The following TUT7 variants were observed in gnomAD, a reference collection of about 807,000 sequenced individuals.
TUT7 encodes the protein terminal uridylyl transferase 7, also known as terminal uridylyltransferase 7.
In TUT7, 33 loss-of-function variants were observed where a neutral mutation model predicts 165.9. The observed-to-expected ratio is 0.20, with a 90% CI of 0.15 to 0.27. The LOEUF is 0.27. TUT7 is among the 10% of genes least tolerant of loss of function. The pLI is 1.00. For synonymous variants in TUT7, 552 were observed against 608.1 expected, an observed-to-expected ratio of 0.91 and a Z score of 1.36; for missense variants, 1,338 against 1,762.3, an observed-to-expected ratio of 0.76 and a Z score of 4.31.
chr9:86,291,179 C>T (rs1017575230), intron 26 of TUT7, among the ~76,000 whole-genome samples: 57 of 152,018 alleles, frequency 3.7e-4, no homozygotes, highest in African/African-American at 1.4e-3. Flanking sequence ...AATAAAAGAG[C>T]GGTATTCAGA....
At chr9:86,349,529 A>G (rs1220091938) in intron 2 of TUT7, among the ~76,000 whole-genome samples, 1 of 152,070 alleles carries the variant, frequency 6.6e-6, no homozygotes, top group Non-Finnish European at 1.5e-5. Flanking sequence ...AGGGGCAGTA[A>G]TGTAGAGCTG....
intron 14 of TUT7, among the ~76,000 whole-genome samples, chr9:86,321,441 C>A (rs979557470): frequency 6.6e-6 from 1 of 151,824 alleles, no homozygotes; most frequent in African/African-American, 2.4e-5. Flanking sequence ...TAAAAAGAAA[C>A]CTGCTGGCCA....
At position 86,352,784 on chromosome 9, in the gene TUT7, C is replaced by A; in HGVS notation, c.416G>T (p.Gly139Val). Residue 139 changes from glycine (G) to valine (V), a missense_variant, in exon 2 of 27, where the codon GGT becomes GTT. Transcript: ENST00000375963. Reference sequence around the variant, plus strand: ...GCCTCTTGTGTCTTGCCACCTATAACCATCTTCATTTTCTTGAAAGGAGTC... The same window carrying A: ...GCCTCTTGTGTCTTGCCACCTATAAACATCTTCATTTTCTTGAAAGGAGTC... ...RKDSFQENED[G>V]YRWQDTRGCR... 1 of 1,614,152 alleles carries A rather than the reference C, an allele frequency of 6.2e-7. No homozygotes were observed. Among genetic ancestry groups the A allele is most frequent in the Non-Finnish European group, 8.5e-7 (1 of 1,180,026 alleles).
chr9:86,327,984 T>C (rs1829952769), intron 11 of TUT7, among the ~76,000 whole-genome samples: 1 of 152,198 alleles, frequency 6.6e-6, no homozygotes, highest in African/African-American at 2.4e-5. Flanking sequence ...CATTAAATCA[T>C]ATATGCATTC....
chr9:86,317,604 C>A (rs1051139225), intron 16 of TUT7, among the ~76,000 whole-genome samples: 2 of 152,122 alleles, frequency 1.3e-5, no homozygotes, highest in Non-Finnish European at 2.9e-5. Flanking sequence ...TAATATCACT[C>A]GGATGTACCC....
intron 26 of TUT7, among the ~76,000 whole-genome samples, chr9:86,291,542 A>C (rs990501346): frequency 2.0e-5 from 3 of 150,106 alleles, no homozygotes; most frequent in African/African-American, 7.4e-5. Context: ...ATTGCACTCC[A>C]GCCTGGGCAA....
Position 86,343,068 on chromosome 9 carries a change from T to C in TUT7, c.1086+7A>G. ...CTGAAAGTGCCAGCATTTCATTTTG[T>C]ACTTACAATGGCTGGAAACTGGATG... On this transcript the variant is annotated splice_region_variant and intron_variant, in intron 6 of 26. Coordinates refer to ENST00000375963, the MANE Select transcript of TUT7 (RefSeq NM_024617.4). The C allele has an allele frequency of 1.9e-6, 3 of 1,584,072 alleles. No homozygotes were observed. Among genetic ancestry groups the C allele is most frequent in the Non-Finnish European group, 2.6e-6 (3 of 1,158,606 alleles).
chr9:86,345,180 A>G, intron 4 of TUT7, 26 bp from the exon 5 acceptor site: 1 of 1,590,694 alleles, frequency 6.3e-7, no homozygotes, highest in Non-Finnish European at 8.5e-7. Flanking sequence ...GTTGAGATTA[A>G]AAATGACTTA....
Position 86,308,622 on chromosome 9 carries a change from A to G in TUT7, c.3661-16T>C, listed in dbSNP as rs773957505. ...AATAGGTAGGCTAGAAATAGAAGGGAACAAGGGATACCATGGTCTTTAGTG... is the reference window on the plus strand; with the variant it reads ...AATAGGTAGGCTAGAAATAGAAGGGGACAAGGGATACCATGGTCTTTAGTG... On this transcript the variant is annotated splice_polypyrimidine_tract_variant and intron_variant, in intron 21 of 26. Coordinates refer to ENST00000375963, the MANE Select transcript of TUT7 (RefSeq NM_024617.4). 1 of 1,594,186 alleles carries G rather than the reference A, an allele frequency of 6.3e-7. No homozygotes were observed. Among genetic ancestry groups the G allele is most frequent in the South Asian group, 1.1e-5 (1 of 88,230 alleles).
At chr9:86,306,891 T>C (rs994557657) in intron 22 of TUT7, among the ~76,000 whole-genome samples, 3 of 152,238 alleles carry the variant, frequency 2.0e-5, no homozygotes, top group African/African-American at 7.2e-5. Flanking sequence ...GCCTTCTTTT[T>C]AGTTTAGCCT....
At chr9:86,310,084 G>A (rs1396102530) in intron 18 of TUT7, 67 bp from the exon 19 acceptor site, 2 of 1,265,114 alleles carry the variant, frequency 1.6e-6, no homozygotes, top group Non-Finnish European at 2.2e-6. Context: ...TTTTTTTTTG[G>A]TTGTTGTTTT....
chr9:86,331,082 T>C (rs1408703945), intron 10 of TUT7, among the ~76,000 whole-genome samples: 3 of 152,094 alleles, frequency 2.0e-5, no homozygotes, highest in Non-Finnish European at 4.4e-5. Context: ...CAAAATATGT[T>C]TTAATGTCCC....
chr9:86,301,739 C>T, intron 25 of TUT7, 138 bp from the exon 26 acceptor site: 1 of 1,460,730 alleles, frequency 6.8e-7, no homozygotes, highest in Non-Finnish European at 9.0e-7. Context: ...AAAGCAAGAA[C>T]CTAAATGAAA....
intron 26 of TUT7, among the ~76,000 whole-genome samples, chr9:86,298,078 T>C (rs538548987): frequency 3.3e-5 from 5 of 152,122 alleles, no homozygotes; most frequent in East Asian, 3.9e-4. Context: ...TTTGTTTCAT[T>C]TGATTCTTTG....
chr9:86,289,595 G>GT (rs1434106926), intron 26 of TUT7, among the ~76,000 whole-genome samples: 3 of 151,988 alleles, frequency 2.0e-5, no homozygotes, highest in African/African-American at 4.8e-5. Flanking sequence ...CTGGGGTAGG[G>GT]TAAGAGTTTC....
rs1244091055 is a variant in TUT7 at position 86,288,695 on chromosome 9, C to G, written c.4470G>C (p.Arg1490Ser). The change falls in exon 27 of 27, where the codon AGG becomes AGC. Residue 1490 changes from arginine to serine, a missense_variant. Arg to Ser is a moderately radical substitution (Grantham distance 110, BLOSUM62 -1). Coordinates refer to ENST00000375963, the MANE Select transcript of TUT7 (RefSeq NM_024617.4). ...CCTTCCCTCATGATTCCTGCTGGGT[C>G]CTCTTCGCTGAGGCTTTTCCCTGAG... ...YMTQGKASAK[R>S]TQQES 6.2e-7 allele frequency: 1 copy of G among 1,613,772 alleles called. No individual in the cohort carries two copies. The highest frequency in any genetic ancestry group is 8.5e-7 in the Non-Finnish European group (1 of 1,179,870).
intron 17 of TUT7, among the ~76,000 whole-genome samples, chr9:86,316,855 A>T (rs1387439278): frequency 6.6e-6 from 1 of 152,198 alleles, no homozygotes; most frequent in Non-Finnish European, 1.5e-5. Context: ...AATCAAACAC[A>T]AACCAAAAAT....
intron 2 of TUT7, among the ~76,000 whole-genome samples, chr9:86,351,893 C>T (rs566645392): frequency 1.3e-5 from 2 of 152,204 alleles, no homozygotes; most frequent in South Asian, 2.1e-4. Flanking sequence ...TATTTCATTT[C>T]GGTATATATC....
At chr9:86,289,068 C>T (rs918965580) in intron 26 of TUT7, among the ~76,000 whole-genome samples, 1 of 152,176 alleles carries the variant, frequency 6.6e-6, no homozygotes, top group Non-Finnish European at 1.5e-5. Flanking sequence ...TCAGTATCTT[C>T]ATTTGCAGCC....
Sources: allele counts gnomAD v4.1 joint callset (sites outside exome capture counted in the v4.1 genomes callset), GRCh38; gene constraint gnomAD v4.1.1; transcripts MANE v1.5; gene names NCBI Gene and HGNC (gene_info 2026-07-23, HGNC 2026-07-21).